Variants in FILIP1L observed in about 807,000 individuals in gnomAD.
The protein encoded by FILIP1L is filamin A interacting protein 1 like, also known as filamin A-interacting protein 1-like.
In FILIP1L, 55 loss-of-function variants were observed where a neutral mutation model predicts 96.6. That is an observed-to-expected ratio of 0.57 (90% confidence interval 0.46 to 0.71). FILIP1L has a LOEUF of 0.71. FILIP1L is among the 30% of genes least tolerant of loss of function. The probability of loss-of-function intolerance (pLI) is 0.00; values close to 1 mark genes in which losing one functional copy is unlikely to be tolerated. For missense variants in FILIP1L, 1,304 were observed against 1,321.2 expected, an observed-to-expected ratio of 0.99 and a Z score of 0.20; for synonymous variants, 467 against 473.9, an observed-to-expected ratio of 0.99 and a Z score of 0.19.
chr3:100,011,399 T>G (rs1710152628), intron 1 of FILIP1L, among the ~76,000 whole-genome samples: 1 of 152,166 alleles, frequency 6.6e-6, no homozygotes, highest in Non-Finnish European at 1.5e-5. Flanking sequence ...ATGTTTTCTT[T>G]TAGAGACTAA....
intron 1 of FILIP1L, among the ~76,000 whole-genome samples, chr3:100,082,528 C>T (rs2065948137): frequency 6.6e-6 from 1 of 152,058 alleles, no homozygotes; most frequent in African/African-American, 2.4e-5. Context: ...AGAAGACAGC[C>T]CATAATATCT....
intron 1 of FILIP1L, among the ~76,000 whole-genome samples, chr3:100,059,184 CT>C (rs1274993953): frequency 1.3e-5 from 2 of 152,196 alleles, no homozygotes; most frequent in Non-Finnish European, 2.9e-5. Flanking sequence ...AGTTGAAGAG[CT>C]TTGTTAGATA....
At chr3:99,831,972 A>G (rs1220724021) in intron 5 of FILIP1L, among the ~76,000 whole-genome samples, 1 of 152,184 alleles carries the variant, frequency 6.6e-6, no homozygotes, top group Non-Finnish European at 1.5e-5. Flanking sequence ...GATTGGTATG[A>G]CACACAGTAT....
chr3:99,925,764 A>G (rs1707273480), intron 3 of FILIP1L: 6 of 683,488 alleles, frequency 8.8e-6, no homozygotes, highest in Non-Finnish European at 1.1e-5. Context: ...GTGGAAGTGG[A>G]GGTGACCTCA....
intron 4 of FILIP1L, among the ~76,000 whole-genome samples, chr3:99,884,402 G>C (rs1405356211): frequency 6.6e-6 from 1 of 152,126 alleles, no homozygotes; most frequent in Non-Finnish European, 1.5e-5. Flanking sequence ...TTCTGAATCT[G>C]TTATCTTGTT....
intron 1 of FILIP1L, chr3:100,109,912 C>A (rs567090151): frequency 6.4e-5 from 8 of 124,532 alleles, no homozygotes; most frequent in Admixed American, 2.4e-4. Context: ...GACCCCCCCC[C>A]CCCAGCACCA....
intron 1 of FILIP1L, among the ~76,000 whole-genome samples, chr3:100,084,449 G>C (rs1424960749): frequency 3.9e-5 from 6 of 152,072 alleles, no homozygotes; most frequent in Non-Finnish European, 5.9e-5. Context: ...TCAGATTTCA[G>C]ATATATAGAA....
At chr3:99,852,564 G>T (rs1225117021) in intron 4 of FILIP1L, among the ~76,000 whole-genome samples, 1 of 152,054 alleles carries the variant, frequency 6.6e-6, no homozygotes, top group Non-Finnish European at 1.5e-5. Context: ...TCCTGTCTCA[G>T]CCTCCCGAGT....
intron 1 of FILIP1L, among the ~76,000 whole-genome samples, chr3:100,081,135 A>G (rs1373863346): frequency 6.6e-6 from 1 of 152,226 alleles, no homozygotes; most frequent in East Asian, 1.9e-4. Context: ...ATTTTTGAAA[A>G]GAATTGCAGA....
At chr3:100,071,090 C>CTTTT (rs61563009) in intron 1 of FILIP1L, among the ~76,000 whole-genome samples, 934 of 70,182 alleles carry the variant, frequency 0.013, 19 homozygotes, top group African/African-American at 0.032. Context: ...GCTACTCTCT[C>CTTTT]TTTTTTTTTT....
intron 1 of FILIP1L, among the ~76,000 whole-genome samples, chr3:99,950,171 CT>C (rs1055684176): frequency 6.6e-6 from 1 of 152,118 alleles, no homozygotes; most frequent in Admixed American, 6.6e-5. Flanking sequence ...GTAGATAGGA[CT>C]TTTTTCTTAT....
chr3:99,883,388 A>G (rs1183685693), intron 4 of FILIP1L, among the ~76,000 whole-genome samples: 3 of 152,254 alleles, frequency 2.0e-5, no homozygotes, highest in Admixed American at 6.5e-5. Flanking sequence ...TTATTCCTAT[A>G]TTATATCATT....
At chr3:99,904,498 T>G (rs764612747) in intron 4 of FILIP1L, among the ~76,000 whole-genome samples, 10 of 152,358 alleles carry the variant, frequency 6.6e-5, no homozygotes, top group South Asian at 2.1e-4. Flanking sequence ...GAATAGGATA[T>G]TCCATTAAAA....
intron 1 of FILIP1L, among the ~76,000 whole-genome samples, chr3:100,092,162 T>A (rs908606114): frequency 2.0e-5 from 3 of 152,244 alleles, no homozygotes; most frequent in Non-Finnish European, 4.4e-5. Context: ...TCTAAAACTT[T>A]TTATCATGGC....
chr3:100,072,451 G>A lies in FILIP1L; in HGVS notation c.-11+41602C>T, dbSNP rs1240596834. Among the ~76,000 whole-genome samples the A allele has an allele frequency of 3.3e-5, 5 of 152,256 alleles. No individual in the cohort carries two copies. In the East Asian group the frequency reaches 7.7e-4, roughly 24 times the overall value. On this transcript the variant is annotated intron_variant, in intron 1 of 5. Coordinates refer to ENST00000477258, the MANE Select transcript of FILIP1L (RefSeq NM_001387850.1). ...TCCTGGATTCCCCCCTTTCTAGATG[G>A]CCCTTAATGGTGCCTGATTTTCTCT... is the stretch of plus-strand genomic sequence containing the variant.
chr3:99,950,252 A>G (rs538477627), intron 1 of FILIP1L, among the ~76,000 whole-genome samples: 11 of 152,332 alleles, frequency 7.2e-5, no homozygotes, highest in African/African-American at 2.6e-4. Context: ...TGTATCGGAA[A>G]TAGACTATAT....
At chr3:99,953,171 T>C (rs1261910879) in intron 1 of FILIP1L, among the ~76,000 whole-genome samples, 3 of 152,230 alleles carry the variant, frequency 2.0e-5, no homozygotes, top group Non-Finnish European at 2.9e-5. Flanking sequence ...ATATTATCTT[T>C]TTGTATTTCA....
At position 99,865,582 on chromosome 3, in the gene FILIP1L, T is replaced by G. The variant is rs186454151; in HGVS notation, c.606-14512A>C. ...ATTTGGCATAAATTCATAATTATTT[T>G]TGGATGGTTTAAAAAATTGTGACTT... On this transcript the variant is annotated intron_variant, in intron 4 of 5. Transcript: ENST00000477258. Among the ~76,000 whole-genome samples the G allele has an allele frequency of 6.7e-3, 1,022 of 152,252 alleles. 3 individuals carry two copies. The highest frequency in any genetic ancestry group is 8.5e-3 in the African/African-American group (352 of 41,544).
In FILIP1L at chr3:100,045,558, C is replaced by A. The variant is rs534450178; in HGVS notation, c.-11+68495G>T. On this transcript the variant is annotated intron_variant, in intron 1 of 5. Coordinates refer to ENST00000477258, the MANE Select transcript of FILIP1L (RefSeq NM_001387850.1). The stretch of plus-strand genomic sequence containing the variant: ...TCCTATAATTCTCCCCCTGAAAAAT[C>A]AGGGGACTTCATTTATCTTAAATGG... Among the ~76,000 whole-genome samples the A allele has an allele frequency of 9.9e-4, 150 of 152,172 alleles. 1 individual carries two copies. Among genetic ancestry groups the A allele is most frequent in the South Asian group, 6.2e-3 (30 of 4,812 alleles).
Sources: gnomAD v4.1 joint callset for allele counts (sites outside exome capture counted in the v4.1 genomes callset) on GRCh38, gnomAD v4.1.1 for gene constraint, MANE v1.5 for transcripts, NCBI Gene and HGNC (gene_info 2026-07-23, HGNC 2026-07-21) for gene names.